Variants in NELL2 observed in about 807,000 individuals in gnomAD.
NELL2 encodes the protein neural EGFL like 2.
Under a neutral mutation model 109.6 loss-of-function variants are expected in NELL2, and 41 were observed. The observed-to-expected ratio is 0.37, with a 90% CI of 0.29 to 0.49. NELL2 has a LOEUF of 0.49. Among genes scored for constraint, NELL2 ranks in the 20% least tolerant of loss-of-function variants. The pLI is 0.98. For synonymous variants in NELL2, 355 were observed against 344.7 expected (o/e 1.03, Z -0.33); for missense variants, 900 against 1,008.3 (o/e 0.89, Z 1.45).
intron 9 of NELL2, among the ~76,000 whole-genome samples, chr12:44,747,859 C>G (rs1388269030): frequency 6.6e-6 from 1 of 152,094 alleles, no homozygotes; most frequent in Non-Finnish European, 1.5e-5. Context: ...TTTAGACTTT[C>G]CTTTGGTATA....
chr12:44,824,269 T>C (rs7957160), intron 2 of NELL2, among the ~76,000 whole-genome samples: 19,477 of 152,232 alleles, frequency 0.13, 1,551 homozygotes, highest in East Asian at 0.23. Flanking sequence ...CTTTTTAGTT[T>C]GGTGCAATCT....
intron 1 of NELL2, among the ~76,000 whole-genome samples, chr12:44,896,995 A>G (rs1945600395): frequency 6.6e-6 from 1 of 152,220 alleles, no homozygotes; most frequent in Non-Finnish European, 1.5e-5. Context: ...GAACTTTAAA[A>G]TGTGTGTTAG....
chr12:44,742,927 T>G (rs1042393811), intron 9 of NELL2, among the ~76,000 whole-genome samples: 13 of 152,010 alleles, frequency 8.6e-5, no homozygotes, highest in Non-Finnish European at 1.5e-5. Context: ...CAGACCAACA[T>G]TCAGATTCAG....
At chr12:44,585,036 C>T (rs1387138046) in intron 15 of NELL2, among the ~76,000 whole-genome samples, 2 of 152,140 alleles carry the variant, frequency 1.3e-5, no homozygotes, top group African/African-American at 4.8e-5. Flanking sequence ...ATTTTATTTG[C>T]TTTCATTAAA....
chr12:44,813,333 A>C (rs1228537748), intron 3 of NELL2, among the ~76,000 whole-genome samples: 1 of 152,218 alleles, frequency 6.6e-6, no homozygotes, highest in African/African-American at 2.4e-5. Context: ...ATTATTTTCC[A>C]CATCATAGAA....
Position 44,776,039 on chromosome 12 carries a change from T to G in NELL2, c.874A>C (p.Lys292Gln), listed in dbSNP as rs1941744405. 1 of 1,613,988 alleles carries G rather than the reference T, an allele frequency of 6.2e-7. No individual in the cohort carries two copies. ...REFESWIDGC[K>Q]NCTCLNGTIQ... The stretch of plus-strand genomic sequence containing the variant: ...AGCCATACCAGGCATGTGCAGTTCT[T>G]ACAGCCGTCTATCCAGGACTCAAAT... The change falls in exon 8 of 20, where the codon AAG (lysine) becomes CAG (glutamine). Residue 292 changes from lysine (K) to glutamine (Q), a missense_variant. Physicochemically the swap from Lys to Gln is moderately conservative, Grantham distance 53 (BLOSUM62 1). Transcript: ENST00000429094.
intron 3 of NELL2, among the ~76,000 whole-genome samples, chr12:44,811,991 A>G (rs981688726): frequency 6.6e-6 from 1 of 152,050 alleles, no homozygotes; most frequent in Non-Finnish European, 1.5e-5. Flanking sequence ...CTTCCCCCCA[A>G]AAAAACCCAG....
intron 12 of NELL2, among the ~76,000 whole-genome samples, chr12:44,675,905 G>A (rs1352959956): frequency 1.3e-5 from 2 of 152,090 alleles, no homozygotes; most frequent in Non-Finnish European, 2.9e-5. Context: ...ACGTCCAGAC[G>A]AGTCTCAGAG....
intron 13 of NELL2, among the ~76,000 whole-genome samples, chr12:44,649,109 A>T (rs1947209996): frequency 6.6e-6 from 1 of 151,846 alleles, no homozygotes; most frequent in Admixed American, 6.6e-5. Flanking sequence ...ACATTCTTTG[A>T]TGTATAATCT....
chr12:44,530,571 A>G (rs538675792), intron 16 of NELL2, among the ~76,000 whole-genome samples: 2 of 152,194 alleles, frequency 1.3e-5, no homozygotes, highest in Non-Finnish European at 2.9e-5. Flanking sequence ...GATGCTAACA[A>G]ATATAAAGTG....
chr12:44,672,913 A>G (rs1241193316), intron 12 of NELL2, among the ~76,000 whole-genome samples: 2 of 152,218 alleles, frequency 1.3e-5, no homozygotes, highest in African/African-American at 4.8e-5. Flanking sequence ...ATAGGGTCAG[A>G]GAAAACTCCA....
intron 19 of NELL2, among the ~76,000 whole-genome samples, chr12:44,519,702 C>CT (rs1941436540): frequency 6.6e-6 from 1 of 152,078 alleles, no homozygotes; most frequent in Admixed American, 6.5e-5. Context: ...GTTGTTTCAG[C>CT]TTTTTTAAAA....
chr12:44,909,273 C>A (rs1045692108), intron 1 of NELL2, among the ~76,000 whole-genome samples: 2 of 151,734 alleles, frequency 1.3e-5, no homozygotes, highest in African/African-American at 4.8e-5. Context: ...AGTAACATTC[C>A]TATATACCAA....
intron 1 of NELL2, among the ~76,000 whole-genome samples, chr12:44,884,005 A>C (rs1202803914): frequency 6.6e-6 from 1 of 152,004 alleles, no homozygotes; most frequent in Non-Finnish European, 1.5e-5. Flanking sequence ...TGGTCTAATC[A>C]TAACAATTAA....
At chr12:44,742,210 A>G (rs148188770) in intron 9 of NELL2, among the ~76,000 whole-genome samples, 4,031 of 152,252 alleles carry the variant, frequency 0.026, 178 homozygotes, top group African/African-American at 0.091. Context: ...GGTCTGGAGT[A>G]GACCTCTAGC....
intron 2 of NELL2, among the ~76,000 whole-genome samples, chr12:44,836,965 G>A (rs1379239972): frequency 2.6e-5 from 4 of 152,132 alleles, no homozygotes; most frequent in Admixed American, 6.5e-5. Context: ...GGAAGCAGAC[G>A]TCACCTCACA....
intron 2 of NELL2, among the ~76,000 whole-genome samples, chr12:44,835,724 T>C (rs1332847895): frequency 6.6e-6 from 1 of 152,240 alleles, no homozygotes; most frequent in Non-Finnish European, 1.5e-5. Context: ...CAGTACATCC[T>C]GGTTTCACTA....
At chr12:44,701,648 A>G (rs1319174913) in intron 12 of NELL2, among the ~76,000 whole-genome samples, 1 of 152,114 alleles carries the variant, frequency 6.6e-6, no homozygotes, top group Non-Finnish European at 1.5e-5. Context: ...AACTGCAAGT[A>G]TTTTTGGCTC....
chr12:44,576,350 A>G (rs1217299729), intron 15 of NELL2, among the ~76,000 whole-genome samples: 1 of 152,136 alleles, frequency 6.6e-6, no homozygotes, highest in African/African-American at 2.4e-5. Flanking sequence ...CTAAACCATG[A>G]GCTCCTTGAG....
Sources: allele counts gnomAD v4.1 joint callset (sites outside exome capture counted in the v4.1 genomes callset), GRCh38; gene constraint gnomAD v4.1.1; transcripts MANE v1.5; gene names NCBI Gene and HGNC (gene_info 2026-07-23, HGNC 2026-07-21).